PPP1CB: variants seen among roughly 807,000 people sequenced by gnomAD.
The protein encoded by PPP1CB is serine/threonine-protein phosphatase PP1-beta catalytic subunit.
Under a neutral mutation model 43.7 loss-of-function variants are expected in PPP1CB, and 2 were observed. The ratio of observed to expected loss-of-function variants is 0.05; its 90% CI spans 0.02 to 0.14. The LOEUF (loss-of-function observed/expected upper bound fraction) is 0.14, where lower values mean the gene tolerates loss of function less well. Among genes scored for constraint, PPP1CB ranks in the 10% least tolerant of loss-of-function variants. The pLI, the probability that PPP1CB is intolerant of heterozygous loss-of-function variation, is 1.00. For missense variants in PPP1CB, 84 were observed against 398.0 expected, an observed-to-expected ratio of 0.21 and a Z score of 6.71; for synonymous variants, 136 against 135.6, an observed-to-expected ratio of 1.00 and a Z score of -0.02.
intron 1 of PPP1CB, among the ~76,000 whole-genome samples, chr2:28,775,597 G>A (rs572606038): frequency 2.0e-5 from 3 of 152,092 alleles, no homozygotes; most frequent in East Asian, 1.9e-4. Flanking sequence ...GGCTGGTCTC[G>A]AACTCCTGGC....
At chr2:28,769,534 T>C (rs767900372) in intron 1 of PPP1CB, among the ~76,000 whole-genome samples, 7 of 152,222 alleles carry the variant, frequency 4.6e-5, no homozygotes, top group South Asian at 2.1e-4. Context: ...ATTGCTGATA[T>C]GCTGACACTA....
intron 5 of PPP1CB, among the ~76,000 whole-genome samples, chr2:28,784,377 A>G (rs765790169): frequency 2.6e-5 from 4 of 152,114 alleles, no homozygotes; most frequent in Admixed American, 6.6e-5. Flanking sequence ...TTCTTTTCAA[A>G]TGTCTAGTAG....
intron 1 of PPP1CB, among the ~76,000 whole-genome samples, chr2:28,764,419 C>T (rs1234076798): frequency 6.7e-6 from 1 of 149,540 alleles, no homozygotes; most frequent in Non-Finnish European, 1.5e-5. Context: ...GAGATTGTGC[C>T]ACTGCACTCG....
intron 1 of PPP1CB, among the ~76,000 whole-genome samples, chr2:28,774,135 G>C (rs7580078): frequency 0.68 from 102,907 of 152,076 alleles, 35,040 homozygotes; most frequent in South Asian, 0.76. Flanking sequence ...CTTGAGAAGT[G>C]AAAATTATAC....
chr2:28,790,017 A>C (rs1667354560), intron 6 of PPP1CB, among the ~76,000 whole-genome samples: 1 of 152,044 alleles, frequency 6.6e-6, no homozygotes, highest in South Asian at 2.1e-4. Flanking sequence ...GCAGTGGCTC[A>C]TGTCTGTAAT....
At chr2:28,794,493 G>A (rs966902651) in intron 7 of PPP1CB, among the ~76,000 whole-genome samples, 18 of 151,952 alleles carry the variant, frequency 1.2e-4, no homozygotes, top group Admixed American at 5.9e-4. Flanking sequence ...GATCAAGACC[G>A]TCCTGGCTAA....
chr2:28,782,097 C>G (rs956164622), intron 4 of PPP1CB: 10 of 410,138 alleles, frequency 2.4e-5, no homozygotes, highest in Admixed American at 4.3e-5. Flanking sequence ...TCCTTTGCCT[C>G]AAGTTTTAAC....
At chr2:28,781,080 A>G (rs555674675) in intron 3 of PPP1CB, among the ~76,000 whole-genome samples, 39 of 152,256 alleles carry the variant, frequency 2.6e-4, no homozygotes, top group Middle Eastern at 3.4e-3. Flanking sequence ...ACGGAAAAAA[A>G]TGAACTAAGA....
At chr2:28,758,204 T>TA (rs1307520598) in intron 1 of PPP1CB, among the ~76,000 whole-genome samples, 1 of 151,308 alleles carries the variant, frequency 6.6e-6, no homozygotes, top group Non-Finnish European at 1.5e-5. Flanking sequence ...CACCACTAAT[T>TA]AAAAAAAATT....
chr2:28,752,050 C>T lies in PPP1CB; in HGVS notation c.-75C>T, dbSNP rs1431774486. The stretch of plus-strand genomic sequence containing the variant: ...GCGTGACTTGTAGGTGAGAGAACGC[C>T]GAGCCGTCGCCGCAGCCTCCGCCGC... On this transcript the variant is annotated 5_prime_UTR_variant, in exon 1 of 8. Transcript: ENST00000395366. 3 of 1,427,656 alleles carry T rather than the reference C, an allele frequency of 2.1e-6. No homozygotes were observed. The highest frequency in any genetic ancestry group is 2.9e-6 in the Non-Finnish European group (3 of 1,035,610). 88.4% of individuals were successfully genotyped at this position (1,427,656 alleles called of 1,614,324 possible).
intron 1 of PPP1CB, among the ~76,000 whole-genome samples, chr2:28,757,594 T>C (rs1666524250): frequency 6.6e-6 from 1 of 152,194 alleles, no homozygotes; most frequent in Non-Finnish European, 1.5e-5. Context: ...GATGTGCAGC[T>C]AGACTTGTTA....
chr2:28,786,025 C>T (rs1051020852), intron 5 of PPP1CB, among the ~76,000 whole-genome samples: 14 of 152,022 alleles, frequency 9.2e-5, no homozygotes, highest in Admixed American at 9.2e-4. Flanking sequence ...ATAGTGTCTG[C>T]AACATTCAGA....
chr2:28,781,673 G>T, intron 3 of PPP1CB, 65 bp from the exon 4 acceptor site: 1 of 1,098,026 alleles, frequency 9.1e-7, no homozygotes, highest in South Asian at 1.4e-5. Context: ...TAATCCTGCG[G>T]CTTTGAGATA....
At chr2:28,774,040 T>C (rs2148046948) in intron 1 of PPP1CB, among the ~76,000 whole-genome samples, 1 of 152,358 alleles carries the variant, frequency 6.6e-6, no homozygotes, top group East Asian at 1.9e-4. Flanking sequence ...GTGCAGTGTG[T>C]TTTTGGTAAA....
At position 28,793,976 on chromosome 2, in the gene PPP1CB, A is replaced by G; in HGVS notation, c.858A>G (p.Glu286=). 6.2e-7 allele frequency: 1 copy of G among 1,613,618 alleles called. No homozygotes were observed. The highest frequency in any genetic ancestry group is 8.5e-7 in the Non-Finnish European group (1 of 1,179,600). The change falls in exon 7 of 8, where the codon GAA becomes GAG. Residue 286 remains glutamate (E), a synonymous_variant. Transcript: ENST00000395366. ...DNAGGMMSVD[E]TLMCSFQILK... is the part of the protein sequence containing the mutation. ...CTGGTGGAATGATGAGTGTGGATGA[A>G]ACTTTGATGTGTTCATTTCAGGTAT... is the stretch of plus-strand genomic sequence containing the variant.
Position 28,778,876 on chromosome 2 carries a change from C to A in PPP1CB, c.252C>A (p.Ala84=). Residue 84 remains alanine (A), a synonymous_variant, in exon 3 of 8, where the codon GCC becomes GCA. Transcript: ENST00000395366. ...LFEYGGFPPE[A]NYLFLGDYVD... Reference sequence around the variant, plus strand: ...AATATGGAGGTTTCCCACCAGAAGCCAACTATCTTTTCTTAGGAGATTATG... The same window carrying A: ...AATATGGAGGTTTCCCACCAGAAGCAAACTATCTTTTCTTAGGAGATTATG... The A allele has an allele frequency of 3.1e-6, 5 of 1,609,406 alleles. No individual in the cohort carries two copies. The highest frequency in any genetic ancestry group is 4.3e-6 in the Non-Finnish European group (5 of 1,175,760).
intron 1 of PPP1CB, among the ~76,000 whole-genome samples, chr2:28,755,152 C>G (rs1204285054): frequency 6.6e-6 from 1 of 152,066 alleles, no homozygotes; most frequent in East Asian, 1.9e-4. Flanking sequence ...CAGGTCCAAG[C>G]GATTATTCTG....
intron 6 of PPP1CB, among the ~76,000 whole-genome samples, chr2:28,791,183 TC>T (rs1335211387): frequency 6.6e-6 from 1 of 152,202 alleles, no homozygotes; most frequent in African/African-American, 2.4e-5. Flanking sequence ...CTTTCTTTGA[TC>T]CTAAGTGATA....
chr2:28,765,871 A>G (rs1178265050), intron 1 of PPP1CB, among the ~76,000 whole-genome samples: 1 of 152,212 alleles, frequency 6.6e-6, no homozygotes, highest in Non-Finnish European at 1.5e-5. Context: ...ACACCACTGC[A>G]CTCTGGCCTG....
Sources: gnomAD v4.1 joint callset for allele counts (sites outside exome capture counted in the v4.1 genomes callset) on GRCh38, gnomAD v4.1.1 for gene constraint, MANE v1.5 for transcripts, NCBI Gene and HGNC (gene_info 2026-07-23, HGNC 2026-07-21) for gene names.